The following ADAMTS18 variants were observed in gnomAD, a reference collection of about 807,000 sequenced individuals.
ADAMTS18 encodes the protein ADAM metallopeptidase with thrombospondin type 1 motif 18, also known as A disintegrin and metalloproteinase with thrombospondin motifs 18.
A neutral mutation model predicts 165.9 loss-of-function variants in ADAMTS18; 157 were observed. That is an observed-to-expected ratio of 0.95 (90% CI 0.83 to 1.08). ADAMTS18 has a LOEUF of 1.08. Among genes scored for constraint, ADAMTS18 ranks in the 50% least tolerant of loss-of-function variants. ADAMTS18 has a pLI of 0.00. For synonymous variants in ADAMTS18, 782 were observed against 578.2 expected (o/e 1.35, Z -5.06); for missense variants, 2,040 against 1,534.0 (o/e 1.33, Z -5.51).
In ADAMTS18 at chr16:77,289,265, T is replaced by G; in HGVS notation, c.3549A>C (p.Arg1183Ser). Reference protein sequence around the residue: ...NTNFCPAPEKREDPSCVDFFN... With the variant: ...NTNFCPAPEKSEDPSCVDFFN... ...GACTGGAGCATGGTGCCTTTTTACC[T>G]CTCTTTTCAGGAGCTGGACAGAAGT... The change falls in exon 22 of 23, where the codon AGA (arginine) becomes AGC (serine). Residue 1183 changes from arginine to serine, a missense_variant and splice_region_variant. Physicochemically the swap from Arg to Ser is moderately radical, Grantham distance 110 (BLOSUM62 -1). Transcript: ENST00000282849. 1 of 1,614,094 alleles carries G rather than the reference T, an allele frequency of 6.2e-7. No homozygotes were observed. Among genetic ancestry groups the G allele is most frequent in the East Asian group, 2.2e-5 (1 of 44,880 alleles).
Position 77,395,051 on chromosome 16 carries a change from C to A in ADAMTS18, c.496-27328G>T, listed in dbSNP as rs977027779. 2.6e-5 allele frequency among the ~76,000 whole-genome samples: 4 copies of A among 152,182 alleles called. No individual in the cohort carries two copies. In the East Asian group the frequency reaches 7.7e-4, roughly 29 times the overall value. On this transcript the variant is annotated intron_variant, in intron 3 of 22. Coordinates refer to ENST00000282849, the MANE Select transcript of ADAMTS18 (RefSeq NM_199355.4). ...GGGACTATGGATGATCTTCCCTCAA[C>A]AGCAGAGCTTCACAACAACTTTATT... is the stretch of plus-strand genomic sequence containing the variant.
chr16:77,353,666 A>C, intron 10 of ADAMTS18, 67 bp downstream of exon 10: 1 of 1,608,612 alleles, frequency 6.2e-7, no homozygotes, highest in Admixed American at 1.7e-5. Context: ...AAATGTTTAC[A>C]CTTCTGTTAG....
intron 17 of ADAMTS18, among the ~76,000 whole-genome samples, chr16:77,299,107 C>T (rs1478914519): frequency 6.6e-6 from 1 of 152,200 alleles, no homozygotes; most frequent in Non-Finnish European, 1.5e-5. Flanking sequence ...ATGAGAAAGA[C>T]CTCATAATCT....
intron 3 of ADAMTS18, among the ~76,000 whole-genome samples, chr16:77,398,638 G>C (rs1260340211): frequency 6.6e-6 from 1 of 152,110 alleles, no homozygotes; most frequent in Non-Finnish European, 1.5e-5. Context: ...TTGCTGTTGG[G>C]GGTTGGGGGC....
intron 3 of ADAMTS18, among the ~76,000 whole-genome samples, chr16:77,370,082 A>T (rs1201146192): frequency 6.6e-6 from 1 of 152,192 alleles, no homozygotes; most frequent in African/African-American, 2.4e-5. Flanking sequence ...AGTGCATCTC[A>T]ACACAATAAA....
chr16:77,318,598 T>C (rs1002252288), intron 16 of ADAMTS18, among the ~76,000 whole-genome samples: 8 of 152,164 alleles, frequency 5.3e-5, no homozygotes, highest in African/African-American at 1.9e-4. Context: ...ATAACAACGA[T>C]AATAATAATA....
chr16:77,341,505 A>T (rs989723434), intron 11 of ADAMTS18, among the ~76,000 whole-genome samples, 199 bp downstream of exon 11: 1 of 152,200 alleles, frequency 6.6e-6, no homozygotes, highest in African/African-American at 2.4e-5. Context: ...AGAAAAAAAA[A>T]ATCTTCTTAA....
intron 3 of ADAMTS18, among the ~76,000 whole-genome samples, chr16:77,414,648 G>C (rs2057506752): frequency 6.6e-6 from 1 of 152,114 alleles, no homozygotes; most frequent in African/African-American, 2.4e-5. Context: ...AAAAGAAATA[G>C]GAGATTTCAT....
chr16:77,355,868 T>C (rs1258340737), intron 9 of ADAMTS18, 72 bp downstream of exon 9: 4 of 1,578,554 alleles, frequency 2.5e-6, no homozygotes, highest in Non-Finnish European at 3.5e-6. Flanking sequence ...GAGTATTCGT[T>C]TGCAGGTCTA....
At chr16:77,372,174 T>C (rs1411794647) in intron 3 of ADAMTS18, among the ~76,000 whole-genome samples, 1 of 152,154 alleles carries the variant, frequency 6.6e-6, no homozygotes, top group Non-Finnish European at 1.5e-5. Flanking sequence ...GGCAGGAATG[T>C]AAATTAGTAT....
rs943760916 is a variant in ADAMTS18 at position 77,434,794 on chromosome 16, A to T, written c.-99T>A. The T allele has an allele frequency of 1.1e-5, 12 of 1,067,604 alleles. No homozygotes were observed. Among genetic ancestry groups the T allele is most frequent in the African/African-American group, 1.0e-4 (6 of 59,526 alleles). 66.1% of individuals were successfully genotyped at this position (1,067,604 alleles called of 1,614,324 possible). ...CCGCGGCCCCGGAGCTCGGCGCCCC[A>T]GGTGCGGCTCCAGGTGAGAGCCGCC... On this transcript the variant is annotated 5_prime_UTR_variant, in exon 1 of 23. Transcript: ENST00000282849.
chr16:77,420,822 T>C (rs568238990), intron 3 of ADAMTS18, among the ~76,000 whole-genome samples: 5 of 152,196 alleles, frequency 3.3e-5, no homozygotes, highest in Non-Finnish European at 7.3e-5. Context: ...CATGCAGTAT[T>C]TACCCACAGA....
At chr16:77,381,630 C>T (rs2057032154) in intron 3 of ADAMTS18, among the ~76,000 whole-genome samples, 2 of 152,006 alleles carry the variant, frequency 1.3e-5, no homozygotes, top group South Asian at 4.2e-4. Context: ...GGTGAAACCT[C>T]GTCTCTACTA....
chr16:77,400,470 GTGTGTGTGTGTTT>G (rs1479302760), intron 3 of ADAMTS18, among the ~76,000 whole-genome samples: 2 of 125,380 alleles, frequency 1.6e-5, no homozygotes, highest in African/African-American at 5.6e-5. Context: ...GTGTGTGTGT[GTGTGTGTGTGTTT>G]TGTTTTTTTT....
At chr16:77,421,933 C>G (rs1175165254) in intron 3 of ADAMTS18, among the ~76,000 whole-genome samples, 2 of 152,004 alleles carry the variant, frequency 1.3e-5, no homozygotes, top group Non-Finnish European at 2.9e-5. Context: ...TAGATCTATG[C>G]AAAAAAACCT....
chr16:77,407,540 G>T (rs2057408778), intron 3 of ADAMTS18, among the ~76,000 whole-genome samples: 1 of 152,150 alleles, frequency 6.6e-6, no homozygotes, highest in Admixed American at 6.5e-5. Flanking sequence ...CTAAATACGT[G>T]TAAGACATGT....
chr16:77,361,789 C>T (rs1597170983), intron 7 of ADAMTS18, among the ~76,000 whole-genome samples: 1 of 152,010 alleles, frequency 6.6e-6, no homozygotes, highest in African/African-American at 2.4e-5. Context: ...GAGGCTGAGG[C>T]AGAAGAATTG....
At chr16:77,349,524 TAA>T (rs767997537) in intron 10 of ADAMTS18, among the ~76,000 whole-genome samples, 58 of 71,528 alleles carry the variant, frequency 8.1e-4, no homozygotes, top group African/African-American at 3.2e-3. Context: ...TCATCTTATG[TAA>T]AAAAAAAAAA....
intron 3 of ADAMTS18, among the ~76,000 whole-genome samples, chr16:77,409,670 C>T (rs116900905): frequency 3.9e-5 from 6 of 152,074 alleles, no homozygotes; most frequent in East Asian, 1.9e-4. Context: ...ACCACTCTGA[C>T]GGGTCTGCTT....
Sources: gnomAD v4.1 joint callset for allele counts (sites outside exome capture counted in the v4.1 genomes callset) on GRCh38, gnomAD v4.1.1 for gene constraint, MANE v1.5 for transcripts, NCBI Gene and HGNC (gene_info 2026-07-23, HGNC 2026-07-21) for gene names.